Variants in ZFHX4 observed in about 807,000 individuals in gnomAD.
ZFHX4 encodes zinc finger homeobox protein 4.
ZFHX4 carries 56 observed loss-of-function variants against 267.6 expected under a neutral mutation model. The observed-to-expected ratio is 0.21, with a 90% CI of 0.17 to 0.26. ZFHX4 has a LOEUF of 0.26. Ranked by LOEUF, ZFHX4 falls within the 10% of genes least tolerant of loss-of-function variation. The pLI, the probability that ZFHX4 is intolerant of heterozygous loss-of-function variation, is 1.00. For missense variants in ZFHX4, 4,332 were observed against 4,420.0 expected (o/e 0.98, Z 0.56); for synonymous variants, 1,778 against 1,665.6 (o/e 1.07, Z -1.64).
chr8:76,726,626 T>A (rs1808861002), intron 3 of ZFHX4, among the ~76,000 whole-genome samples: 1 of 152,226 alleles, frequency 6.6e-6, no homozygotes, highest in Non-Finnish European at 1.5e-5. Flanking sequence ...GGATATATTC[T>A]GAGAAAAAGT....
Position 76,704,235 on chromosome 8 carries a change from C to T in ZFHX4, c.147C>T (p.Asp49=), listed in dbSNP as rs750403425. Residue 49 remains aspartate, a synonymous_variant, in exon 2 of 11, where the codon GAC becomes GAT. Coordinates refer to ENST00000651372, the MANE Select transcript of ZFHX4 (RefSeq NM_024721.5). ...EPDRENSSTD[D]NLKTDERKSE... Reference sequence around the variant, plus strand: ...ACAGGGAAAACAGCTCCACAGATGACAACCTGAAAACGGATGAGCGCAAAA... The same window carrying T: ...ACAGGGAAAACAGCTCCACAGATGATAACCTGAAAACGGATGAGCGCAAAA... 6.2e-7 allele frequency: 1 copy of T among 1,614,002 alleles called. No homozygotes were observed. The highest frequency in any genetic ancestry group is 1.1e-5 in the South Asian group (1 of 91,074).
chr8:76,711,662 GA>G (rs1808427575), intron 3 of ZFHX4, among the ~76,000 whole-genome samples: 2 of 152,134 alleles, frequency 1.3e-5, no homozygotes, highest in Admixed American at 6.6e-5. Flanking sequence ...ACAAATTAAA[GA>G]AACTCCTTTA....
At chr8:76,713,296 G>C (rs1808476693) in intron 3 of ZFHX4, among the ~76,000 whole-genome samples, 1 of 152,064 alleles carries the variant, frequency 6.6e-6, no homozygotes. Context: ...TAGATAGATA[G>C]ATAGATAGAT....
chr8:76,770,438 T>G (rs1810232748), intron 3 of ZFHX4, among the ~76,000 whole-genome samples: 1 of 152,202 alleles, frequency 6.6e-6, no homozygotes, highest in Admixed American at 6.5e-5. Flanking sequence ...TGTTGAGTAC[T>G]TCTGATCTAT....
intron 3 of ZFHX4, among the ~76,000 whole-genome samples, chr8:76,764,192 C>G (rs925833547): frequency 2.0e-5 from 3 of 152,136 alleles, no homozygotes; most frequent in Non-Finnish European, 4.4e-5. Context: ...TAAGCAGTTT[C>G]TCAAAGGAAA....
chr8:76,708,003 G>A lies in ZFHX4; in HGVS notation c.3048G>A (p.Leu1016=), dbSNP rs1272800305. 1.2e-6 allele frequency: 2 copies of A among 1,613,890 alleles called. No homozygotes were observed. The highest frequency in any genetic ancestry group is 1.7e-6 in the Non-Finnish European group (2 of 1,179,894). ...CCAACAGTGTGGATAAATTACGCTTGCATACCACCAATCACAGGCACGAGG... is the reference window on the plus strand; with the variant it reads ...CCAACAGTGTGGATAAATTACGCTTACATACCACCAATCACAGGCACGAGG... ...YYTNSVDKLR[L]HTTNHRHEAA... Residue 1016 remains leucine (L), a synonymous_variant, in exon 3 of 11, where the codon TTG becomes TTA. Transcript: ENST00000651372.
At chr8:76,760,524 A>G (rs980258360) in intron 3 of ZFHX4, among the ~76,000 whole-genome samples, 6 of 152,110 alleles carry the variant, frequency 3.9e-5, no homozygotes, top group Admixed American at 3.9e-4. Context: ...ACGTCCTGTG[A>G]AAGAGGCATG....
rs1312331113 is a variant in ZFHX4, at chr8:76,852,056, A to G, written c.5135A>G (p.Gln1712Arg). 2.5e-6 allele frequency: 4 copies of G among 1,613,892 alleles called. No individual in the cohort carries two copies. The Admixed American group carries it at 5.0e-5, about 20-fold the overall frequency. The change falls in exon 10 of 11, where the codon CAG becomes CGG. Residue 1712 changes from glutamine to arginine, a missense_variant. Physicochemically the swap from Gln to Arg is conservative, Grantham distance 43. Around this residue, in one of 7 missense-constraint regions of ZFHX4, gnomAD observed 1,371 missense variants for 1,423.1 expected, o/e 0.96. Transcript: ENST00000651372. ...LQQQAAFFQPQFLNPAFLPHF... is the reference protein window; with the variant it reads ...LQQQAAFFQPRFLNPAFLPHF... ...CAGCAAGCCGCATTCTTTCAGCCTC[A>G]GTTTCTAAACCCAGCCTTTTTGCCT... is the stretch of plus-strand genomic sequence containing the variant.
intron 3 of ZFHX4, among the ~76,000 whole-genome samples, chr8:76,774,374 C>T (rs1027147761): frequency 9.9e-5 from 15 of 152,076 alleles, no homozygotes; most frequent in Non-Finnish European, 2.1e-4. Flanking sequence ...TAAAAATAGA[C>T]GTTCTTAAAT....
Position 76,799,451 on chromosome 8 carries a change from C to T in ZFHX4, c.3325+21012C>T, listed in dbSNP as rs567992566. ...AAGGATTTTCACCAAGCCTTCAAGA[C>T]GAATAAACACAACTGGAAGGCAGGT... is the stretch of plus-strand genomic sequence containing the variant. On this transcript the variant is annotated intron_variant, in intron 4 of 10. Transcript: ENST00000651372. 9.9e-5 allele frequency among the ~76,000 whole-genome samples: 15 copies of T among 152,218 alleles called. No individual in the cohort carries two copies. In the South Asian group the frequency reaches 2.9e-3, roughly 29 times the overall value.
intron 3 of ZFHX4, among the ~76,000 whole-genome samples, chr8:76,757,890 A>G (rs1809805838): frequency 6.6e-6 from 1 of 152,174 alleles, no homozygotes; most frequent in South Asian, 2.1e-4. Flanking sequence ...GCCCTGAGCC[A>G]GCAGGTGATG....
rs550165559 is a variant in ZFHX4 at position 76,866,762 on chromosome 8, A to T, written c.*2197A>T. 6.0e-5 allele frequency: 9 copies of T among 150,656 alleles called. No individual in the cohort carries two copies. The highest frequency in any genetic ancestry group is 1.9e-4 in the African/African-American group (8 of 41,356). 9.3% of individuals were successfully genotyped at this position (150,656 alleles called of 1,614,324 possible). On this transcript the variant is annotated 3_prime_UTR_variant, in exon 11 of 11. Coordinates refer to ENST00000651372, the MANE Select transcript of ZFHX4 (RefSeq NM_024721.5). ...AAATGATTATTCCGACAGTGTGTCG[A>T]CATAAACTTTTACAACTGCACAGCA...
chr8:76,812,062 C>T (rs766833796), intron 4 of ZFHX4, among the ~76,000 whole-genome samples: 2 of 152,186 alleles, frequency 1.3e-5, no homozygotes, highest in African/African-American at 2.4e-5. Flanking sequence ...TTATTTTTAG[C>T]ATGAGCTTGT....
intron 1 of ZFHX4, among the ~76,000 whole-genome samples, chr8:76,695,029 G>A (rs1807921139): frequency 6.6e-6 from 1 of 151,880 alleles, no homozygotes. Flanking sequence ...TTTGTGCTGG[G>A]AGTCGGTCAT....
At chr8:76,739,625 T>C (rs1809262856) in intron 3 of ZFHX4, among the ~76,000 whole-genome samples, 1 of 152,116 alleles carries the variant, frequency 6.6e-6, no homozygotes, top group Non-Finnish European at 1.5e-5. Context: ...ATAGGATTGA[T>C]GCATGCAAAG....
chr8:76,707,764 G>T lies in ZFHX4; in HGVS notation c.2809G>T (p.Ala937Ser). ...ERSLPEEEWR[A>S]VIGDIYQCKL... is the part of the protein sequence containing the mutation. ...CTCTCTCCCTGAAGAGGAATGGAGG[G>T]CAGTAATTGGAGATATCTACCAGTG... Residue 937 changes from alanine (A) to serine (S), a missense_variant, in exon 3 of 11, where the codon GCA becomes TCA. Physicochemically the swap from Ala to Ser is moderately conservative, Grantham distance 99. Coordinates refer to ENST00000651372, the MANE Select transcript of ZFHX4 (RefSeq NM_024721.5). 6.2e-7 allele frequency: 1 copy of T among 1,613,904 alleles called. No homozygotes were observed. The highest frequency in any genetic ancestry group is 1.1e-5 in the South Asian group (1 of 91,060).
rs1462424843 is a variant in ZFHX4 at position 76,851,003 on chromosome 8, A to C, written c.4082A>C (p.Asn1361Thr). The C allele has an allele frequency of 3.1e-6, 5 of 1,613,958 alleles. No individual in the cohort carries two copies. The highest frequency in any genetic ancestry group is 2.2e-5 in the East Asian group (1 of 44,848). ...TKEPLEVSEW[N>T]KNSSKDVKIP... is the part of the protein sequence containing the mutation. ...GAACCCTTGGAAGTCTCAGAATGGA[A>C]TAAAAATAGCAGTAAGGATGTGAAA... Residue 1361 changes from asparagine to threonine, a missense_variant, in exon 10 of 11, where the codon AAT becomes ACT. Physicochemically the swap from Asn to Thr is moderately conservative, Grantham distance 65 (BLOSUM62 0). Coordinates refer to ENST00000651372, the MANE Select transcript of ZFHX4 (RefSeq NM_024721.5).
chr8:76,858,107 C>T (rs1225044366), intron 10 of ZFHX4, among the ~76,000 whole-genome samples: 3 of 152,190 alleles, frequency 2.0e-5, no homozygotes, highest in Admixed American at 6.5e-5. Flanking sequence ...TCCACTGAGT[C>T]TGAAGGCCTT....
intron 5 of ZFHX4, among the ~76,000 whole-genome samples, chr8:76,834,852 A>T (rs1392248453): frequency 6.6e-6 from 1 of 151,840 alleles, no homozygotes; most frequent in Non-Finnish European, 1.5e-5. Context: ...CCCTTATGTT[A>T]TCTTCTAGGA....
Sources: allele counts gnomAD v4.1 joint callset (sites outside exome capture counted in the v4.1 genomes callset), GRCh38; gene constraint gnomAD v4.1.1; regional missense constraint gnomAD v4.1.1; transcripts MANE v1.5; gene names NCBI Gene and HGNC (gene_info 2026-07-23, HGNC 2026-07-21).